Variants in SASH1 observed in about 807,000 individuals in gnomAD.
The protein encoded by SASH1 is SAM and SH3 domain-containing protein 1.
Under a neutral mutation model 125.2 loss-of-function variants are expected in SASH1, and 44 were observed. The ratio of observed to expected loss-of-function variants is 0.35; its 90% CI spans 0.28 to 0.45. SASH1 has a LOEUF of 0.45. Ranked by LOEUF, SASH1 falls within the 20% of genes least tolerant of loss-of-function variation. SASH1 has a pLI of 1.00. For missense variants in SASH1, 1,426 were observed against 1,614.5 expected, an observed-to-expected ratio of 0.88 and a Z score of 2.00; for synonymous variants, 639 against 649.1, an observed-to-expected ratio of 0.98 and a Z score of 0.24.
the SASH1 span, among the ~76,000 whole-genome samples, chr6:148,195,117 T>G: frequency 6.6e-6 from 1 of 152,266 alleles, no homozygotes; most frequent in Non-Finnish European, 1.5e-5. Context: ...ATTTCACTCG[T>G]TTACTTAGCA....
At chr6:148,374,418 A>G (rs571210549) in intron 1 of SASH1, among the ~76,000 whole-genome samples, 88 of 152,352 alleles carry the variant, frequency 5.8e-4, no homozygotes, top group Admixed American at 5.7e-3. Context: ...TATGTATTAG[A>G]TGTCAGTGAA....
rs556267223 is a variant in SASH1 at position 148,295,201 on chromosome 6, T to C, written n.74+22824T>C. Reference sequence around the variant, plus strand: ...TACCGGCATTCCTAGCTACCCACTTTTAGGTAGTTTAAATGTAGCTTTGGG... The same window carrying C: ...TACCGGCATTCCTAGCTACCCACTTCTAGGTAGTTTAAATGTAGCTTTGGG... On this transcript the variant is annotated intron_variant and non_coding_transcript_variant, in intron 1 of 3. Transcript: ENST00000367469. Among the ~76,000 whole-genome samples, 12 of 152,254 alleles carry C rather than the reference T, an allele frequency of 7.9e-5. 1 individual carries two copies. The South Asian group carries it at 2.5e-3, about 32-fold the overall frequency.
upstream of SASH1, among the ~76,000 whole-genome samples, chr6:148,268,976 A>G (rs1429220076): frequency 6.6e-6 from 1 of 152,210 alleles, no homozygotes; most frequent in Non-Finnish European, 1.5e-5. Flanking sequence ...CACTCGTTTC[A>G]TGTAATAAGC....
At chr6:148,385,445 G>A (rs1282207604) in intron 1 of SASH1, among the ~76,000 whole-genome samples, 2 of 152,006 alleles carry the variant, frequency 1.3e-5, no homozygotes, top group African/African-American at 2.4e-5. Context: ...CTTGTTTTCC[G>A]GCAAACTCCT....
chr6:148,453,698 G>A (rs1777208700), intron 4 of SASH1, among the ~76,000 whole-genome samples: 1 of 152,194 alleles, frequency 6.6e-6, no homozygotes, highest in African/African-American at 2.4e-5. Flanking sequence ...GCCCTGGAAA[G>A]ATGAGTAAGA....
chr6:148,433,917 T>C (rs1444087130), intron 2 of SASH1, among the ~76,000 whole-genome samples: 1 of 151,806 alleles, frequency 6.6e-6, no homozygotes, highest in Non-Finnish European at 1.5e-5. Flanking sequence ...ATATATCTTT[T>C]ATTATGTTTT....
chr6:148,520,636 G>C (rs1334884054), intron 10 of SASH1, among the ~76,000 whole-genome samples: 2 of 152,150 alleles, frequency 1.3e-5, no homozygotes, highest in Non-Finnish European at 2.9e-5. Context: ...AGCTAATCCA[G>C]AGAGGGGCTT....
Position 148,519,554 on chromosome 6 carries a change from G to A in SASH1, c.870G>A (p.Glu290=), listed in dbSNP as rs1375260188. ...CTGTTGGTTTCCCTCCAGGTGGGGA[G>A]GAGCACGTGTTTGAGAATTCGCCGG... ...EMKKPSTEGG[E]EHVFENSPVL... is the part of the protein sequence containing the mutation. Residue 290 remains glutamate (E), a synonymous_variant, in exon 10 of 20, where the codon GAG becomes GAA. Transcript: ENST00000367467. This position sits in a 1 kb window ranked among gnomAD's most constrained non-coding sequence, Gnocchi z 4.8. 1.6e-5 allele frequency: 26 copies of A among 1,612,998 alleles called. No individual in the cohort carries two copies. Among genetic ancestry groups the A allele is most frequent in the Non-Finnish European group, 2.0e-5 (24 of 1,179,102 alleles).
At chr6:148,528,512 G>A (rs1147854) in intron 12 of SASH1, among the ~76,000 whole-genome samples, 85,405 of 152,094 alleles carry the variant, frequency 0.56, 24,085 homozygotes, top group East Asian at 0.67. Flanking sequence ...ATGACCGAAC[G>A]TCACCAGCCT....
chr6:148,365,367 C>A (rs1177045877), intron 1 of SASH1, among the ~76,000 whole-genome samples: 3 of 151,704 alleles, frequency 2.0e-5, no homozygotes, highest in African/African-American at 7.3e-5. Context: ...ATTTAGGAAG[C>A]CTGATGGCCA....
At chr6:148,277,235 G>A (rs550913494) in intron 1 of SASH1, among the ~76,000 whole-genome samples, 2 of 152,318 alleles carry the variant, frequency 1.3e-5, no homozygotes, top group South Asian at 4.1e-4. Flanking sequence ...GCGTGGTCAG[G>A]TGGCCAATGT....
At chr6:148,460,572 C>T (rs544329712) in intron 4 of SASH1, among the ~76,000 whole-genome samples, 1 of 152,160 alleles carries the variant, frequency 6.6e-6, no homozygotes, top group Non-Finnish European at 1.5e-5. Context: ...TCGACGGACT[C>T]AAGCCATTTC....
At chr6:148,277,342 C>G (rs775740816) in intron 1 of SASH1, among the ~76,000 whole-genome samples, 13 of 152,178 alleles carry the variant, frequency 8.5e-5, no homozygotes, top group Non-Finnish European at 1.8e-4. Context: ...ATGCTAACAC[C>G]TGAGAAGTTA....
chr6:148,366,173 A>G (rs1460867528), intron 1 of SASH1, among the ~76,000 whole-genome samples: 1 of 151,806 alleles, frequency 6.6e-6, no homozygotes, highest in African/African-American at 2.4e-5. Flanking sequence ...ATTTCCAACT[A>G]CTTGGAGGGC....
At chr6:148,518,682 C>T (rs11751157) in intron 9 of SASH1, among the ~76,000 whole-genome samples, 12,068 of 152,272 alleles carry the variant, frequency 0.079, 632 homozygotes, top group Non-Finnish European at 0.11. Flanking sequence ...CAGTTGGGAT[C>T]GCTACACCCA....
intron 1 of SASH1, among the ~76,000 whole-genome samples, chr6:148,327,359 A>G (rs937799520): frequency 6.7e-6 from 1 of 149,370 alleles, no homozygotes; most frequent in South Asian, 2.1e-4. Context: ...ATCTCGGCTC[A>G]CTGCAACCTC....
intron 1 of SASH1, among the ~76,000 whole-genome samples, chr6:148,287,612 T>C (rs1366777694): frequency 6.6e-6 from 1 of 152,198 alleles, no homozygotes; most frequent in African/African-American, 2.4e-5. Context: ...GGTCTGTTTT[T>C]TGAGCAGATT....
At chr6:148,405,868 G>C (rs1784350319) in intron 2 of SASH1, among the ~76,000 whole-genome samples, 1 of 152,198 alleles carries the variant, frequency 6.6e-6, no homozygotes, top group Admixed American at 6.5e-5. Flanking sequence ...TTACTGGTTT[G>C]ACCTGGGAAT....
intron 1 of SASH1, among the ~76,000 whole-genome samples, chr6:148,316,635 A>G (rs183406903): frequency 3.0e-4 from 46 of 152,354 alleles, no homozygotes; most frequent in Non-Finnish European, 2.9e-4. Flanking sequence ...CCTCCTAGGC[A>G]CTGAAAGTTA....
Sources: gnomAD v4.1 joint callset for allele counts (sites outside exome capture counted in the v4.1 genomes callset) on GRCh38, gnomAD v4.1.1 for gene constraint, Gnocchi (gnomAD v3.1) non-coding constraint, MANE v1.5 for transcripts, NCBI Gene and HGNC (gene_info 2026-07-23, HGNC 2026-07-21) for gene names.